Variants in ST6GALNAC3 observed in about 807,000 individuals in gnomAD.
ST6GALNAC3 encodes ST6 N-acetylgalactosaminide alpha-2,6-sialyltransferase 3, also known as alpha-N-acetylgalactosaminide alpha-2,6-sialyltransferase 3.
Under a neutral mutation model 32.7 loss-of-function variants are expected in ST6GALNAC3, and 25 were observed. That is an observed-to-expected ratio of 0.76 (90% confidence interval 0.56 to 1.07). The LOEUF (loss-of-function observed/expected upper bound fraction) is 1.07, where lower values mean the gene tolerates loss of function less well. Among genes scored for constraint, ST6GALNAC3 ranks in the 50% least tolerant of loss-of-function variants. The probability of loss-of-function intolerance (pLI) is 0.00; values close to 1 mark genes in which losing one functional copy is unlikely to be tolerated. For missense variants in ST6GALNAC3, 355 were observed against 382.4 expected (o/e 0.93, Z 0.60); for synonymous variants, 129 against 133.1 (o/e 0.97, Z 0.21).
Position 76,630,073 on chromosome 1 carries a change from T to C in ST6GALNAC3, c.*1267T>C, listed in dbSNP as rs1649213078. 2.0e-6 allele frequency: 2 copies of C among 985,100 alleles called. No individual in the cohort carries two copies. The highest frequency in any genetic ancestry group is 3.5e-5 in the African/African-American group (2 of 57,198). 61.0% of individuals were successfully genotyped at this position (985,100 alleles called of 1,614,324 possible). On this transcript the variant is annotated 3_prime_UTR_variant, in exon 5 of 5. Coordinates refer to ENST00000328299, the MANE Select transcript of ST6GALNAC3 (RefSeq NM_152996.4). ...CCATGTGATGCCCTTGAACACCCCA[T>C]TGGGCTATTGTCTGTGTATTCTGCT...
At chr1:76,191,217 T>C (rs1337647410) in intron 1 of ST6GALNAC3, among the ~76,000 whole-genome samples, 1 of 152,108 alleles carries the variant, frequency 6.6e-6, no homozygotes, top group Non-Finnish European at 1.5e-5. Context: ...AGCATGTTTA[T>C]ACTTGTGGAG....
chr1:76,525,762 T>A (rs1410860608), intron 3 of ST6GALNAC3, among the ~76,000 whole-genome samples: 1 of 133,018 alleles, frequency 7.5e-6, no homozygotes, highest in Admixed American at 8.2e-5. Flanking sequence ...TATATATGTG[T>A]ATGTGTGTTT....
At chr1:76,330,214 G>A (rs760283802) in intron 2 of ST6GALNAC3, among the ~76,000 whole-genome samples, 3 of 151,814 alleles carry the variant, frequency 2.0e-5, no homozygotes, top group Admixed American at 6.6e-5. Flanking sequence ...GTGCAGTGGC[G>A]TGATCTCAGC....
intron 1 of ST6GALNAC3, among the ~76,000 whole-genome samples, chr1:76,190,520 G>T (rs1346888210): frequency 6.6e-6 from 1 of 152,186 alleles, no homozygotes; most frequent in Admixed American, 6.5e-5. Flanking sequence ...AAATGATTTA[G>T]TGAGGTAATT....
At chr1:76,336,914 G>A (rs1647524612) in intron 2 of ST6GALNAC3, among the ~76,000 whole-genome samples, 1 of 152,160 alleles carries the variant, frequency 6.6e-6, no homozygotes. Flanking sequence ...TCCTCATTGG[G>A]TCTGTGGTGT....
chr1:76,533,418 GGGT>G (rs1663387868), intron 3 of ST6GALNAC3, among the ~76,000 whole-genome samples: 1 of 152,044 alleles, frequency 6.6e-6, no homozygotes, highest in Non-Finnish European at 1.5e-5. Context: ...TTTGCCTTTT[GGGT>G]CCTTCTTTCT....
intron 1 of ST6GALNAC3, among the ~76,000 whole-genome samples, chr1:76,308,203 C>T (rs12144132): frequency 0.11 from 17,352 of 152,148 alleles, 1,343 homozygotes; most frequent in Non-Finnish European, 0.18. Flanking sequence ...AGTTCTTATG[C>T]ATTTCATATG....
intron 1 of ST6GALNAC3, among the ~76,000 whole-genome samples, chr1:76,270,689 T>G (rs916262989): frequency 6.6e-6 from 1 of 151,920 alleles, no homozygotes; most frequent in Admixed American, 6.6e-5. Context: ...CCTCAGTTAA[T>G]GACAGGGCCG....
intron 3 of ST6GALNAC3, among the ~76,000 whole-genome samples, chr1:76,602,168 G>C (rs554970835): frequency 6.6e-6 from 1 of 152,294 alleles, no homozygotes; most frequent in African/African-American, 2.4e-5. Context: ...GCTTGGTTAA[G>C]GATTGCATGT....
intron 2 of ST6GALNAC3, among the ~76,000 whole-genome samples, chr1:76,356,664 A>G (rs1336483326): frequency 6.6e-6 from 1 of 152,164 alleles, no homozygotes; most frequent in East Asian, 1.9e-4. Flanking sequence ...AAACTTAAAC[A>G]GGCATCATAA....
At chr1:76,414,514 C>T (rs1654481998) in intron 3 of ST6GALNAC3, among the ~76,000 whole-genome samples, 1 of 151,978 alleles carries the variant, frequency 6.6e-6, no homozygotes, top group African/African-American at 2.4e-5. Flanking sequence ...CTTTTATTGT[C>T]TAAGAATTTC....
intron 1 of ST6GALNAC3, among the ~76,000 whole-genome samples, chr1:76,208,914 C>G (rs1654984650): frequency 6.6e-6 from 1 of 152,156 alleles, no homozygotes; most frequent in Non-Finnish European, 1.5e-5. Flanking sequence ...TGCTCTCAAG[C>G]TCGTTTTCCT....
intron 1 of ST6GALNAC3, among the ~76,000 whole-genome samples, chr1:76,167,259 T>A (rs1162217580): frequency 1.3e-5 from 2 of 152,226 alleles, no homozygotes; most frequent in Non-Finnish European, 2.9e-5. Flanking sequence ...GAAATAATCA[T>A]GTTTTTTGTC....
At chr1:76,341,144 A>G (rs4949707) in intron 2 of ST6GALNAC3, among the ~76,000 whole-genome samples, 150,378 of 151,642 alleles carry the variant, frequency 0.99, 74,579 homozygotes, top group East Asian at 1. Flanking sequence ...TGATCCTGTT[A>G]CCCAAGTAGT....
chr1:76,377,143 A>G (rs906395065), intron 2 of ST6GALNAC3, among the ~76,000 whole-genome samples: 3 of 152,214 alleles, frequency 2.0e-5, no homozygotes, highest in African/African-American at 7.2e-5. Flanking sequence ...AAACCAAAGC[A>G]CTTCAGAAGT....
intron 3 of ST6GALNAC3, among the ~76,000 whole-genome samples, chr1:76,511,135 A>G (rs1661832546): frequency 6.6e-6 from 1 of 152,008 alleles, no homozygotes; most frequent in East Asian, 1.9e-4. Flanking sequence ...AAAGCTTCCT[A>G]TCTAGTGTCC....
rs1196702087 is a variant in ST6GALNAC3 at position 76,351,140 on chromosome 1, T to C, written c.213+37141T>C. On this transcript the variant is annotated intron_variant, in intron 2 of 4. Transcript: ENST00000328299. ...CCATTCATACAAAGATTCGGCTACA[T>C]TTTTCTTTTTTGTGTATTAGCTTTG... Among the ~76,000 whole-genome samples, 4 of 152,274 alleles carry C rather than the reference T, an allele frequency of 2.6e-5. No individual in the cohort carries two copies. The South Asian group carries it at 8.3e-4, about 32-fold the overall frequency.
intron 1 of ST6GALNAC3, among the ~76,000 whole-genome samples, chr1:76,150,946 G>T (rs1365338713): frequency 6.6e-6 from 1 of 152,168 alleles, no homozygotes; most frequent in Non-Finnish European, 1.5e-5. Context: ...TAGTAGCCAG[G>T]CTGTAATTCT....
chr1:76,250,393 G>C (rs1358030012), intron 1 of ST6GALNAC3, among the ~76,000 whole-genome samples: 1 of 152,114 alleles, frequency 6.6e-6, no homozygotes, highest in Non-Finnish European at 1.5e-5. Flanking sequence ...TGCTTTAATT[G>C]GACATTCCTC....
Sources: allele counts gnomAD v4.1 joint callset (sites outside exome capture counted in the v4.1 genomes callset), GRCh38; gene constraint gnomAD v4.1.1; transcripts MANE v1.5; gene names NCBI Gene and HGNC (gene_info 2026-07-23, HGNC 2026-07-21).